The following TRAPPC9 variants were observed in gnomAD, a reference collection of about 807,000 sequenced individuals.
The protein encoded by TRAPPC9 is IKK2 binding protein.
Under a neutral mutation model 124.0 loss-of-function variants are expected in TRAPPC9, and 83 were observed. The observed-to-expected ratio is 0.67, with a 90% CI of 0.56 to 0.80. The LOEUF is 0.80. Among genes scored for constraint, TRAPPC9 ranks in the 30% least tolerant of loss-of-function variants. The pLI, the probability that TRAPPC9 is intolerant of heterozygous loss-of-function variation, is 0.00. For synonymous variants in TRAPPC9, 638 were observed against 617.5 expected, an observed-to-expected ratio of 1.03 and a Z score of -0.49; for missense variants, 1,302 against 1,508.3, an observed-to-expected ratio of 0.86 and a Z score of 2.27.
chr8:139,843,446 C>G (rs939420944), intron 21 of TRAPPC9, among the ~76,000 whole-genome samples: 1 of 152,194 alleles, frequency 6.6e-6, no homozygotes, highest in Non-Finnish European at 1.5e-5. Context: ...TCATTCATAG[C>G]AGGTGTGATA....
intron 21 of TRAPPC9, among the ~76,000 whole-genome samples, chr8:139,882,677 C>G (rs1298736803): frequency 1.3e-5 from 2 of 152,156 alleles, no homozygotes; most frequent in African/African-American, 4.8e-5. Context: ...GGCGAGGAGA[C>G]AGGTGCGGGT....
chr8:140,197,310 G>C (rs1480246309), intron 17 of TRAPPC9, among the ~76,000 whole-genome samples: 1 of 152,218 alleles, frequency 6.6e-6, no homozygotes, highest in Non-Finnish European at 1.5e-5. Context: ...TAACATAAGA[G>C]CACTGCAGTC....
chr8:139,755,651 T>A (rs113430483), intron 21 of TRAPPC9, among the ~76,000 whole-genome samples: 2,201 of 80,098 alleles, frequency 0.027, 162 homozygotes, highest in African/African-American at 0.091. Context: ...GGAGCCAGGG[T>A]TGGGGTATAA....
intron 9 of TRAPPC9, among the ~76,000 whole-genome samples, chr8:140,335,178 G>A (rs1170005888): frequency 6.6e-6 from 1 of 152,148 alleles, no homozygotes; most frequent in Non-Finnish European, 1.5e-5. Flanking sequence ...GGAAGAGAAT[G>A]TGATTTAGCT....
chr8:140,022,431 C>T (rs767337470), intron 18 of TRAPPC9, among the ~76,000 whole-genome samples: 9 of 152,190 alleles, frequency 5.9e-5, no homozygotes, highest in Non-Finnish European at 1.2e-4. Flanking sequence ...TGACCACCTA[C>T]GCTTCCAAAC....
In TRAPPC9 at chr8:140,344,762, CAAGGAGAACT is replaced by C. The variant is rs2067288740; in HGVS notation, c.1495+15278_1495+15287del. ...GTGCAGAAGACTGGAGAGAGGTGAGCAAGGAGAACTGAGGAGAAACATCAGGTGGACCTGG... is the reference window on the plus strand; with the variant it reads ...GTGCAGAAGACTGGAGAGAGGTGAGCGAGGAGAAACATCAGGTGGACCTGG... On this transcript the variant is annotated intron_variant, in intron 9 of 22. Transcript: ENST00000438773. Among the ~76,000 whole-genome samples, 3 of 152,336 alleles carry C rather than the reference CAAGGAGAACT, an allele frequency of 2.0e-5. No individual in the cohort carries two copies. The South Asian group carries it at 6.2e-4, about 32-fold the overall frequency.
chr8:139,956,797 G>A (rs187327740), intron 19 of TRAPPC9, among the ~76,000 whole-genome samples: 1 of 152,180 alleles, frequency 6.6e-6, no homozygotes, highest in South Asian at 2.1e-4. Context: ...TATCCCTACA[G>A]AGTGGCCTCC....
intron 21 of TRAPPC9, among the ~76,000 whole-genome samples, chr8:139,865,255 C>T (rs1828444910): frequency 6.6e-6 from 1 of 152,196 alleles, no homozygotes; most frequent in African/African-American, 2.4e-5. Context: ...GGAATCAGGT[C>T]CCATGTCCAT....
At chr8:140,093,581 T>G (rs566141955) in intron 17 of TRAPPC9, among the ~76,000 whole-genome samples, 1 of 151,532 alleles carries the variant, frequency 6.6e-6, no homozygotes, top group African/African-American at 2.4e-5. Context: ...GGCAGTAGAA[T>G]TGCTTGAACT....
At chr8:140,092,521 T>C (rs904831872) in intron 17 of TRAPPC9, among the ~76,000 whole-genome samples, 7 of 152,116 alleles carry the variant, frequency 4.6e-5, no homozygotes, top group Non-Finnish European at 8.8e-5. Context: ...ATCTAAAATA[T>C]ATATCATTTT....
At chr8:139,930,823 C>G (rs1388114739) in intron 19 of TRAPPC9, among the ~76,000 whole-genome samples, 1 of 152,164 alleles carries the variant, frequency 6.6e-6, no homozygotes, top group Non-Finnish European at 1.5e-5. Flanking sequence ...GAGGCGAAAA[C>G]GGGGCCACCC....
intron 7 of TRAPPC9, among the ~76,000 whole-genome samples, chr8:140,395,025 G>A (rs755765064): frequency 1.3e-5 from 2 of 152,190 alleles, no homozygotes; most frequent in Non-Finnish European, 2.9e-5. Context: ...CATCACTGGG[G>A]AGAACACCTC....
chr8:139,784,123 G>T (rs955104838), intron 21 of TRAPPC9, among the ~76,000 whole-genome samples: 1 of 152,134 alleles, frequency 6.6e-6, no homozygotes, highest in Admixed American at 6.5e-5. Flanking sequence ...CACTGCACTG[G>T]AAGTACTAGG....
chr8:139,730,944 T>C lies in TRAPPC9; in HGVS notation c.*117A>G. ...AACAGGAGGAGAGGGCTGGGAGGGG[T>C]CTGGGGGAGGAGGAGGAGATGGGGC... On this transcript the variant is annotated 3_prime_UTR_variant, in exon 23 of 23. Transcript: ENST00000438773. 8.6e-7 allele frequency: 1 copy of C among 1,164,732 alleles called. No individual in the cohort carries two copies. The highest frequency in any genetic ancestry group is 1.2e-6 in the Non-Finnish European group (1 of 826,496). The allele number at this position is 1,164,732 out of a possible 1,614,324, so 72.1% of individuals were successfully genotyped here. A position where few individuals can be genotyped will look rare whatever the true frequency, so the allele number is the denominator to read the frequency against.
At chr8:140,132,488 G>C (rs2061226114) in intron 17 of TRAPPC9, among the ~76,000 whole-genome samples, 1 of 152,170 alleles carries the variant, frequency 6.6e-6, no homozygotes, top group African/African-American at 2.4e-5. Context: ...GAGTCACTGA[G>C]AAATGAGATT....
At chr8:139,855,910 G>A (rs116748153) in intron 21 of TRAPPC9, among the ~76,000 whole-genome samples, 1 of 152,302 alleles carries the variant, frequency 6.6e-6, no homozygotes, top group South Asian at 2.1e-4. Context: ...ACAGAACTAG[G>A]GGGCAGTGAG....
chr8:139,753,502 G>A (rs1819503621), intron 21 of TRAPPC9, among the ~76,000 whole-genome samples: 1 of 152,122 alleles, frequency 6.6e-6, no homozygotes, highest in Admixed American at 6.5e-5. Flanking sequence ...CCGTTTTACT[G>A]ATTTGTTCTG....
intron 17 of TRAPPC9, among the ~76,000 whole-genome samples, chr8:140,151,993 C>T (rs1010968923): frequency 1.3e-5 from 2 of 152,142 alleles, no homozygotes; most frequent in Non-Finnish European, 2.9e-5. Flanking sequence ...AGGCTAAGAC[C>T]ACGCACTGGG....
intron 20 of TRAPPC9, among the ~76,000 whole-genome samples, chr8:139,891,497 C>A (rs1830340032): frequency 1.3e-5 from 2 of 152,236 alleles, no homozygotes; most frequent in African/African-American, 2.4e-5. Context: ...CTTCCTCATG[C>A]ACGTGCTCAT....
Sources: allele counts gnomAD v4.1 joint callset (sites outside exome capture counted in the v4.1 genomes callset), GRCh38; gene constraint gnomAD v4.1.1; transcripts MANE v1.5; gene names NCBI Gene and HGNC (gene_info 2026-07-23, HGNC 2026-07-21).